The following ASH2L variants were observed in gnomAD, a reference collection of about 807,000 sequenced individuals.
The protein encoded by ASH2L is set1/Ash2 histone methyltransferase complex subunit ASH2.
In ASH2L, 30 loss-of-function variants were observed where a neutral mutation model predicts 81.1. The ratio of observed to expected loss-of-function variants is 0.37; its 90% CI spans 0.28 to 0.50. The LOEUF is 0.50. Ranked by LOEUF, ASH2L falls within the 20% of genes least tolerant of loss-of-function variation. The probability of loss-of-function intolerance (pLI) is 0.95; values close to 1 mark genes in which losing one functional copy is unlikely to be tolerated. For synonymous variants in ASH2L, 273 were observed against 279.9 expected (o/e 0.98, Z 0.24); for missense variants, 559 against 792.1 (o/e 0.71, Z 3.53).
chr8:38,130,812 T>A (rs1802032467), intron 12 of ASH2L, among the ~76,000 whole-genome samples: 1 of 152,196 alleles, frequency 6.6e-6, no homozygotes. Context: ...TTGGTCAGGC[T>A]GGTCTTGAAC....
chr8:38,122,105 T>C (rs1279774451), intron 10 of ASH2L, among the ~76,000 whole-genome samples: 1 of 152,248 alleles, frequency 6.6e-6, no homozygotes, highest in Non-Finnish European at 1.5e-5. Flanking sequence ...GACTCATATA[T>C]ATTTACTTTA....
chr8:38,110,719 T>C lies in ASH2L; in HGVS notation c.491-20T>C. The stretch of plus-strand genomic sequence containing the variant: ...ATGTAGTACTACAGATAACTGTTTC[T>C]TCCTTTTTGTTTTTGATAGACTTGA... On this transcript the variant is annotated intron_variant, in intron 4 of 15. Coordinates refer to ENST00000343823, the MANE Select transcript of ASH2L (RefSeq NM_004674.5). 2 of 1,596,958 alleles carry C rather than the reference T, an allele frequency of 1.3e-6. No individual in the cohort carries two copies. The highest frequency in any genetic ancestry group is 1.7e-6 in the Non-Finnish European group (2 of 1,166,082).
chr8:38,115,163 C>T (rs1222949552), intron 7 of ASH2L, among the ~76,000 whole-genome samples, 163 bp downstream of exon 7: 1 of 152,174 alleles, frequency 6.6e-6, no homozygotes, highest in Non-Finnish European at 1.5e-5. Context: ...GAGTACTCAC[C>T]TTCAACCAAG....
At chr8:38,111,175 C>G (rs1165368209) in intron 5 of ASH2L, among the ~76,000 whole-genome samples, 1 of 152,182 alleles carries the variant, frequency 6.6e-6, no homozygotes, top group African/African-American at 2.4e-5. Flanking sequence ...TCATGATCCA[C>G]TGGCTTCGGC....
chr8:38,138,912 C>T, intron 15 of ASH2L, 37 bp downstream of exon 15: 2 of 1,613,420 alleles, frequency 1.2e-6, no homozygotes, highest in Non-Finnish European at 1.7e-6. Context: ...GTGTCCTCAG[C>T]ATCTCCGTGG....
At chr8:38,137,032 G>A (rs1051317879) in intron 14 of ASH2L, among the ~76,000 whole-genome samples, 2 of 151,362 alleles carry the variant, frequency 1.3e-5, no homozygotes, top group South Asian at 2.1e-4. Context: ...GATGGAGGCT[G>A]CAGTGAGCCA....
chr8:38,114,988 A>G lies in ASH2L; in HGVS notation c.765A>G (p.Gly255=). The change falls in exon 7 of 16, where the codon GGA becomes GGG. Residue 255 remains glycine (G), a synonymous_variant. Coordinates refer to ENST00000343823, the MANE Select transcript of ASH2L (RefSeq NM_004674.5). ...KDPEEDYPKF[G]LLDQDLSNIG... ...CAGAAGAAGATTACCCCAAATTTGG[A>G]CTTTTGGATCAGGTACATTAATATG... is the stretch of plus-strand genomic sequence containing the variant. 6.2e-7 allele frequency: 1 copy of G among 1,607,268 alleles called. No homozygotes were observed. Among genetic ancestry groups the G allele is most frequent in the Non-Finnish European group, 8.5e-7 (1 of 1,173,828 alleles).
At chr8:38,116,601 A>G in intron 7 of ASH2L, 49 bp from the exon 8 acceptor site, 1 of 1,413,470 alleles carries the variant, frequency 7.1e-7, no homozygotes, top group Non-Finnish European at 9.9e-7. Flanking sequence ...GAGCATCCAG[A>G]TTGACTGACT....
At chr8:38,111,795 C>T (rs1201351466) in intron 5 of ASH2L, among the ~76,000 whole-genome samples, 1 of 152,174 alleles carries the variant, frequency 6.6e-6, no homozygotes, top group East Asian at 1.9e-4. Context: ...ACACTTTACC[C>T]AATATTCTGT....
chr8:38,107,269 G>A, intron 3 of ASH2L, 103 bp downstream of exon 3: 3 of 1,436,098 alleles, frequency 2.1e-6, no homozygotes, highest in Non-Finnish European at 2.9e-6. Context: ...TATTTCCTAT[G>A]TCTCCTAACC....
At chr8:38,107,904 G>A (rs896320220) in intron 3 of ASH2L, among the ~76,000 whole-genome samples, 9 of 139,924 alleles carry the variant, frequency 6.4e-5, no homozygotes, top group East Asian at 2.2e-4. Context: ...GTGTGTGTGT[G>A]TATATGTATA....
chr8:38,130,297 T>G (rs1245580729), intron 12 of ASH2L, among the ~76,000 whole-genome samples: 2 of 149,728 alleles, frequency 1.3e-5, no homozygotes, highest in African/African-American at 2.4e-5. Context: ...TGTTTTTTTT[T>G]TTTTTTCCAT....
Position 38,136,100 on chromosome 8 carries a change from T to G in ASH2L, c.1719+334T>G, listed in dbSNP as rs985525551. On this transcript the variant is annotated intron_variant, in intron 14 of 15. Transcript: ENST00000343823. ...CATTATTAGTCATTGTTGCTTACAA[T>G]GATTTTTTTTTTTTTTTTTTTTTTT... 3.4e-5 allele frequency among the ~76,000 whole-genome samples: 5 copies of G among 146,642 alleles called. No individual in the cohort carries two copies. In the East Asian group the frequency reaches 1.0e-3, roughly 30 times the overall value.
At chr8:38,111,367 G>T (rs1026328865) in intron 5 of ASH2L, among the ~76,000 whole-genome samples, 6 of 152,220 alleles carry the variant, frequency 3.9e-5, no homozygotes, top group South Asian at 2.1e-4. Context: ...GGGATTACAG[G>T]TGTGAGCCAC....
At chr8:38,122,732 T>C (rs949332358) in intron 10 of ASH2L, among the ~76,000 whole-genome samples, 2 of 151,908 alleles carry the variant, frequency 1.3e-5, no homozygotes, top group Non-Finnish European at 2.9e-5. Context: ...TTATCTACAA[T>C]ATATTTACTT....
At position 38,139,644 on chromosome 8, in the gene ASH2L, A is replaced by T. The variant is rs1334926793; in HGVS notation, c.*573A>T. The T allele has an allele frequency of 3.3e-5, 5 of 152,402 alleles. No individual in the cohort carries two copies. Among genetic ancestry groups the T allele is most frequent in the Non-Finnish European group, 7.3e-5 (5 of 68,042 alleles). The allele number at this position is 152,402 out of a possible 1,614,324, so 9.4% of individuals were successfully genotyped here. ...CTCTGGAAGTGTAATTGTGAAAGAA[A>T]CTTGCTTGCAGCTTTAACAAAATGA... On this transcript the variant is annotated 3_prime_UTR_variant, in exon 16 of 16. Transcript: ENST00000343823.
At chr8:38,119,442 G>A in intron 9 of ASH2L, 79 bp downstream of exon 9, 1 of 1,204,712 alleles carries the variant, frequency 8.3e-7, no homozygotes, top group Non-Finnish European at 1.1e-6. Flanking sequence ...AGGGAAGAGA[G>A]TTCAAGGGTC....
chr8:38,112,116 C>A (rs1810708574), intron 5 of ASH2L, among the ~76,000 whole-genome samples: 2 of 152,146 alleles, frequency 1.3e-5, no homozygotes, highest in Non-Finnish European at 2.9e-5. Context: ...AAGCTATTCT[C>A]CCACCTCAGC....
intron 12 of ASH2L, 125 bp downstream of exon 12, chr8:38,129,076 A>C: frequency 7.2e-7 from 1 of 1,385,018 alleles, no homozygotes; most frequent in Non-Finnish European, 9.7e-7. Context: ...ACCTGTTGCT[A>C]TGACATTTTC....
Sources: gnomAD v4.1 joint callset for allele counts (sites outside exome capture counted in the v4.1 genomes callset) on GRCh38, gnomAD v4.1.1 for gene constraint, MANE v1.5 for transcripts, NCBI Gene and HGNC (gene_info 2026-07-23, HGNC 2026-07-21) for gene names.